The following PTPRD variants were observed in gnomAD, a reference collection of about 807,000 sequenced individuals.
The protein encoded by PTPRD is protein tyrosine phosphatase receptor type D.
A neutral mutation model predicts 214.5 loss-of-function variants in PTPRD; 34 were observed. The observed-to-expected ratio is 0.16, with a 90% CI of 0.12 to 0.21. PTPRD has a LOEUF of 0.21. Among genes scored for constraint, PTPRD ranks in the 10% least tolerant of loss-of-function variants. The pLI is 1.00. For missense variants in PTPRD, 2,545 were observed against 2,398.7 expected (o/e 1.06, Z -1.27); for synonymous variants, 1,128 against 845.7 (o/e 1.33, Z -5.79).
intron 14 of PTPRD, among the ~76,000 whole-genome samples, chr9:8,532,846 G>C (rs878930892): frequency 6.6e-6 from 1 of 151,970 alleles, no homozygotes; most frequent in Non-Finnish European, 1.5e-5. Flanking sequence ...CACCCTCTTT[G>C]AATCTGTTGG....
At chr9:10,342,966 CTT>C (rs1280030412) in intron 2 of PTPRD, among the ~76,000 whole-genome samples, 1 of 152,060 alleles carries the variant, frequency 6.6e-6, no homozygotes. Context: ...CTCCATACCT[CTT>C]GTTTGTTACA....
At chr9:9,185,517 C>A (rs568852478) in intron 9 of PTPRD, among the ~76,000 whole-genome samples, 2 of 151,994 alleles carry the variant, frequency 1.3e-5, no homozygotes, top group Non-Finnish European at 2.9e-5. Flanking sequence ...GTCAACTTTC[C>A]GAGATTTACC....
intron 5 of PTPRD, among the ~76,000 whole-genome samples, chr9:9,859,852 C>T (rs568900129): frequency 6.6e-6 from 1 of 152,248 alleles, no homozygotes; most frequent in South Asian, 2.1e-4. Flanking sequence ...TCTTCTTGTG[C>T]CATGTACCGT....
Position 8,555,275 on chromosome 9 carries a change from T to C in PTPRD, c.353-26496A>G, listed in dbSNP as rs117561439. On this transcript the variant is annotated intron_variant, in intron 14 of 45. Transcript: ENST00000381196. ...TTTAAAAATTAGCCAAGCATGACAGTGTGTTCCTGTGGTCCCAGCTACTCA... is the reference window on the plus strand; with the variant it reads ...TTTAAAAATTAGCCAAGCATGACAGCGTGTTCCTGTGGTCCCAGCTACTCA... Among the ~76,000 whole-genome samples the C allele has an allele frequency of 4.9e-3, 753 of 152,170 alleles. 2 individuals carry two copies. Among genetic ancestry groups the C allele is most frequent in the Non-Finnish European group, 7.8e-3 (532 of 68,010 alleles).
chr9:9,209,446 T>C (rs538022564), intron 9 of PTPRD, among the ~76,000 whole-genome samples: 17 of 152,192 alleles, frequency 1.1e-4, no homozygotes, highest in Non-Finnish European at 2.4e-4. Flanking sequence ...TATAAGGTAA[T>C]TGAAAATTAG....
chr9:9,045,455 C>A (rs1437627427), intron 10 of PTPRD, among the ~76,000 whole-genome samples: 1 of 152,054 alleles, frequency 6.6e-6, no homozygotes, highest in Non-Finnish European at 1.5e-5. Flanking sequence ...TTTTGACAGG[C>A]AAACAATAAA....
At chr9:8,721,571 C>T (rs949675717) in intron 12 of PTPRD, among the ~76,000 whole-genome samples, 1 of 150,832 alleles carries the variant, frequency 6.6e-6, no homozygotes, top group East Asian at 1.9e-4. Context: ...ATTAATATAC[C>T]ATAAAATAGT....
intron 3 of PTPRD, among the ~76,000 whole-genome samples, chr9:10,273,765 C>A: frequency 6.6e-6 from 1 of 152,052 alleles, no homozygotes; most frequent in East Asian, 1.9e-4. Flanking sequence ...TTAAATGTCA[C>A]AGTGTAGACT....
rs2092574788 is a variant in PTPRD at position 9,946,498 on chromosome 9, T to C, written c.-471-7888A>G. ...CTTACAGAAAGAGTGCAGGGTTCAA[T>C]AGCTGATTATTAGTCCCCAGTAGGG... On this transcript the variant is annotated intron_variant, in intron 4 of 45. Coordinates refer to ENST00000381196, the MANE Select transcript of PTPRD (RefSeq NM_002839.4). Among the ~76,000 whole-genome samples the C allele has an allele frequency of 3.9e-5, 6 of 152,132 alleles. No homozygotes were observed. The South Asian group carries it at 1.0e-3, about 26-fold the overall frequency.
chr9:10,001,439 A>C (rs1403918174), intron 4 of PTPRD, among the ~76,000 whole-genome samples: 6 of 152,272 alleles, frequency 3.9e-5, no homozygotes, highest in Admixed American at 2.6e-4. Context: ...GATAAACTGA[A>C]AGAGATCCAC....
intron 5 of PTPRD, among the ~76,000 whole-genome samples, chr9:9,877,514 C>A (rs1394594690): frequency 6.6e-6 from 1 of 152,196 alleles, no homozygotes; most frequent in African/African-American, 2.4e-5. Context: ...TTTTTCATGA[C>A]TCCTATGATC....
chr9:9,701,568 T>C (rs1179107698), intron 7 of PTPRD, among the ~76,000 whole-genome samples: 4 of 152,162 alleles, frequency 2.6e-5, no homozygotes, highest in Admixed American at 2.6e-4. Context: ...ATTTTGCATT[T>C]AGCAAGCCAC....
At chr9:10,236,114 C>G (rs1218328712) in intron 3 of PTPRD, among the ~76,000 whole-genome samples, 1 of 151,874 alleles carries the variant, frequency 6.6e-6, no homozygotes, top group Non-Finnish European at 1.5e-5. Context: ...GGGTTTTTTA[C>G]TATAACTAAT....
intron 43 of PTPRD, among the ~76,000 whole-genome samples, chr9:8,337,344 AAACT>A (rs760003877): frequency 2.8e-4 from 42 of 152,164 alleles, no homozygotes; most frequent in Non-Finnish European, 5.3e-4. Flanking sequence ...CATTCTCAGC[AAACT>A]AACACAGGAA....
At chr9:9,255,741 C>T (rs1304182349) in intron 9 of PTPRD, among the ~76,000 whole-genome samples, 3 of 152,022 alleles carry the variant, frequency 2.0e-5, no homozygotes, top group African/African-American at 4.8e-5. Flanking sequence ...GATCGCAAAA[C>T]GTAATCCAAT....
intron 14 of PTPRD, among the ~76,000 whole-genome samples, chr9:8,531,898 AT>A (rs1311188613): frequency 6.6e-6 from 1 of 152,044 alleles, no homozygotes; most frequent in Non-Finnish European, 1.5e-5. Context: ...AGCCGACAAA[AT>A]TGACTTGTAC....
intron 2 of PTPRD, among the ~76,000 whole-genome samples, chr9:10,474,635 TC>T (rs1193079755): frequency 2.0e-5 from 3 of 151,964 alleles, no homozygotes; most frequent in Non-Finnish European, 4.4e-5. Flanking sequence ...ACCAAGCAGA[TC>T]TAATAGATAT....
chr9:9,427,343 C>T (rs7040872), intron 8 of PTPRD, among the ~76,000 whole-genome samples: 52,200 of 151,726 alleles, frequency 0.34, 9,155 homozygotes, highest in Middle Eastern at 0.44. Flanking sequence ...TGAAATGAAG[C>T]GAGAAGAGAA....
chr9:8,813,211 CTGTTAT>C (rs1393463726), intron 11 of PTPRD, among the ~76,000 whole-genome samples: 1 of 151,856 alleles, frequency 6.6e-6, no homozygotes, highest in Non-Finnish European at 1.5e-5. Flanking sequence ...ATAATTATCA[CTGTTAT>C]TAAGTCTGCA....
Sources: allele counts gnomAD v4.1 joint callset (sites outside exome capture counted in the v4.1 genomes callset), GRCh38; gene constraint gnomAD v4.1.1; transcripts MANE v1.5; gene names NCBI Gene and HGNC (gene_info 2026-07-23, HGNC 2026-07-21).